Variants in SOX5 observed in about 807,000 individuals in gnomAD.
SOX5 encodes transcription factor SOX-5.
SOX5 carries 9 observed loss-of-function variants against 92.0 expected under a neutral mutation model. That is an observed-to-expected ratio of 0.10 (90% confidence interval 0.06 to 0.17). SOX5 has a LOEUF of 0.17. Among genes scored for constraint, SOX5 ranks in the 10% least tolerant of loss-of-function variants. The pLI, the probability that SOX5 is intolerant of heterozygous loss-of-function variation, is 1.00. For synonymous variants in SOX5, 344 were observed against 336.3 expected, an observed-to-expected ratio of 1.02 and a Z score of -0.25; for missense variants, 642 against 944.5, an observed-to-expected ratio of 0.68 and a Z score of 4.20.
chr12:23,765,513 T>C (rs747493786), intron 3 of SOX5, among the ~76,000 whole-genome samples: 45 of 149,310 alleles, frequency 3.0e-4, no homozygotes, highest in Non-Finnish European at 6.1e-4. Flanking sequence ...GAAGCCTGGA[T>C]ACACAGAAAA....
At chr12:23,674,783 A>C (rs1479076071) in intron 6 of SOX5, among the ~76,000 whole-genome samples, 3 of 151,754 alleles carry the variant, frequency 2.0e-5, no homozygotes, top group Admixed American at 1.3e-4. Context: ...ATTTTTCAAA[A>C]TTTCTCTATA....
chr12:24,442,120 C>T lies in SOX5; in HGVS notation c.-250-73481G>A, dbSNP rs78555346. Among the ~76,000 whole-genome samples, 706 of 152,242 alleles carry T rather than the reference C, an allele frequency of 4.6e-3. 11 individuals are homozygous for T. In the East Asian group the frequency reaches 0.051, roughly 11 times the overall value. ...CGGGTAAATACTTTATAGACACTTT[C>T]TTAAAAAAGGTATCTATGAGAAACA... On this transcript the variant is annotated intron_variant, in intron 1 of 4. Coordinates refer to the SOX5 transcript ENST00000446891.
At chr12:24,070,821 A>G (rs748740737) in intron 4 of SOX5, among the ~76,000 whole-genome samples, 1 of 152,180 alleles carries the variant, frequency 6.6e-6, no homozygotes, top group Non-Finnish European at 1.5e-5. Flanking sequence ...TCGGATTGAG[A>G]TACAGCCTAT....
At chr12:23,625,650 C>A (rs7137607) in intron 8 of SOX5, among the ~76,000 whole-genome samples, 80,751 of 152,004 alleles carry the variant, frequency 0.53, 21,627 homozygotes, top group South Asian at 0.6. Context: ...CGCTCCGTTG[C>A]CCAGGCTGGT....
intron 4 of SOX5, among the ~76,000 whole-genome samples, chr12:24,081,493 C>T (rs1943325435): frequency 6.6e-6 from 1 of 151,882 alleles, no homozygotes; most frequent in Admixed American, 6.6e-5. Context: ...CTCTGGAACA[C>T]TAAAGGAAAA....
intron 2 of SOX5, among the ~76,000 whole-genome samples, chr12:23,889,983 A>C (rs959838947): frequency 6.6e-6 from 1 of 152,226 alleles, no homozygotes; most frequent in Non-Finnish European, 1.5e-5. Flanking sequence ...TTCATAATAA[A>C]ATTCAGCTGT....
intron 3 of SOX5, among the ~76,000 whole-genome samples, chr12:24,238,519 AT>A (rs1964960244): frequency 6.6e-6 from 1 of 152,160 alleles, no homozygotes; most frequent in Admixed American, 6.5e-5. Flanking sequence ...TGTCCAGCTT[AT>A]TTTTTGTTGT....
intron 2 of SOX5, among the ~76,000 whole-genome samples, chr12:24,319,776 T>G (rs562039125): frequency 6.6e-6 from 1 of 152,280 alleles, no homozygotes; most frequent in Non-Finnish European, 1.5e-5. Flanking sequence ...CCCTCTTTCA[T>G]CTCCTAAGGC....
At chr12:23,841,620 A>C (rs1189420634) in intron 3 of SOX5, among the ~76,000 whole-genome samples, 1 of 152,164 alleles carries the variant, frequency 6.6e-6, no homozygotes, top group African/African-American at 2.4e-5. Context: ...TTACTGATAC[A>C]AAGAAATGAG....
intron 10 of SOX5, among the ~76,000 whole-genome samples, chr12:23,568,996 C>G (rs749547042): frequency 6.6e-6 from 1 of 151,870 alleles, no homozygotes. Context: ...CAAAATCAGC[C>G]TGGGCAACAT....
At chr12:23,795,195 G>T (rs891693432) in intron 3 of SOX5, among the ~76,000 whole-genome samples, 9 of 151,964 alleles carry the variant, frequency 5.9e-5, no homozygotes, top group African/African-American at 2.2e-4. Flanking sequence ...GGAGGAATCA[G>T]TGTAGGTGGC....
intron 4 of SOX5, among the ~76,000 whole-genome samples, chr12:24,187,181 A>G (rs1258383625): frequency 1.3e-5 from 2 of 152,152 alleles, no homozygotes; most frequent in East Asian, 3.8e-4. Flanking sequence ...TGAGTATTAG[A>G]CCAACAGAAA....
intron 3 of SOX5, among the ~76,000 whole-genome samples, chr12:23,756,185 A>T (rs1053404429): frequency 6.6e-6 from 1 of 151,718 alleles, no homozygotes; most frequent in African/African-American, 2.4e-5. Context: ...TGTGTTTAAC[A>T]TCGTGTGGCG....
At chr12:23,901,055 T>C (rs187595958) in intron 1 of SOX5, among the ~76,000 whole-genome samples, 25 of 152,316 alleles carry the variant, frequency 1.6e-4, no homozygotes, top group African/African-American at 5.5e-4. Flanking sequence ...AGGGACTTTT[T>C]GCATGTGTAA....
At chr12:24,496,025 A>T (rs1947600250) in intron 1 of SOX5, among the ~76,000 whole-genome samples, 1 of 152,234 alleles carries the variant, frequency 6.6e-6, no homozygotes, top group Non-Finnish European at 1.5e-5. Context: ...AATGTGCCAC[A>T]GTGATCTAAA....
At chr12:24,263,984 T>C (rs536157628) in intron 3 of SOX5, among the ~76,000 whole-genome samples, 3 of 152,356 alleles carry the variant, frequency 2.0e-5, no homozygotes, top group Admixed American at 6.5e-5. Context: ...AAAAACTTTT[T>C]ACACCAGAAA....
At chr12:23,970,735 G>C (rs1341110914) in intron 4 of SOX5, among the ~76,000 whole-genome samples, 1 of 146,190 alleles carries the variant, frequency 6.8e-6, no homozygotes, top group African/African-American at 2.5e-5. Flanking sequence ...TGTGAACCGT[G>C]CTGCAATGAA....
intron 4 of SOX5, among the ~76,000 whole-genome samples, chr12:24,047,053 TA>T (rs1957106294): frequency 7.5e-5 from 3 of 40,056 alleles, no homozygotes; most frequent in African/African-American, 3.7e-5. Context: ...CTTTCCTTCT[TA>T]TTTTTTCCCC....
intron 1 of SOX5, among the ~76,000 whole-genome samples, chr12:24,423,620 C>T (rs1290899830): frequency 6.6e-6 from 1 of 152,218 alleles, no homozygotes; most frequent in Non-Finnish European, 1.5e-5. Context: ...CCCAAAGCCT[C>T]AGCAGTCAAC....
Sources: allele counts gnomAD v4.1 joint callset (sites outside exome capture counted in the v4.1 genomes callset), GRCh38; gene constraint gnomAD v4.1.1; transcripts MANE v1.5; gene names NCBI Gene and HGNC (gene_info 2026-07-23, HGNC 2026-07-21).